CHCHD3: variants seen among roughly 807,000 people sequenced by gnomAD.
CHCHD3 encodes MICOS complex subunit MIC19.
A neutral mutation model predicts 38.2 loss-of-function variants in CHCHD3; 20 were observed. That is an observed-to-expected ratio of 0.52 (90% CI 0.37 to 0.76). The LOEUF (loss-of-function observed/expected upper bound fraction) is 0.76, where lower values mean the gene tolerates loss of function less well. Among genes scored for constraint, CHCHD3 ranks in the 30% least tolerant of loss-of-function variants. The probability of loss-of-function intolerance (pLI) is 0.00; values close to 1 mark genes in which losing one functional copy is unlikely to be tolerated. For missense variants in CHCHD3, 245 were observed against 279.2 expected (o/e 0.88, Z 0.87); for synonymous variants, 82 against 100.0 (o/e 0.82, Z 1.07).
At chr7:132,934,750 T>C (rs1244924730) in intron 4 of CHCHD3, among the ~76,000 whole-genome samples, 1 of 152,172 alleles carries the variant, frequency 6.6e-6, no homozygotes, top group Non-Finnish European at 1.5e-5. Flanking sequence ...ACACTGCTAG[T>C]TCATTCTAGG....
chr7:132,938,733 C>T (rs1397436278), intron 4 of CHCHD3, among the ~76,000 whole-genome samples: 3 of 152,102 alleles, frequency 2.0e-5, no homozygotes, highest in East Asian at 1.9e-4. Context: ...AGTGTGTCCC[C>T]GACACCGGCA....
intron 4 of CHCHD3, among the ~76,000 whole-genome samples, chr7:132,935,001 T>C (rs1810602666): frequency 1.3e-5 from 2 of 152,084 alleles, no homozygotes; most frequent in East Asian, 1.9e-4. Flanking sequence ...AAGAGCTTTA[T>C]AAAAAAAGGG....
intron 4 of CHCHD3, among the ~76,000 whole-genome samples, chr7:132,893,578 G>A (rs1036778194): frequency 8.5e-5 from 13 of 152,182 alleles, no homozygotes; most frequent in Admixed American, 8.5e-4. Flanking sequence ...GGGCCAGGGT[G>A]GAATGACATG....
At chr7:133,065,245 T>C (rs1366188375) in intron 2 of CHCHD3, among the ~76,000 whole-genome samples, 3 of 152,212 alleles carry the variant, frequency 2.0e-5, no homozygotes, top group Non-Finnish European at 4.4e-5. Context: ...TCACACAGTA[T>C]ATTATTTTGC....
chr7:132,932,123 G>C (rs555219689), intron 4 of CHCHD3, among the ~76,000 whole-genome samples: 1 of 152,030 alleles, frequency 6.6e-6, no homozygotes, highest in Non-Finnish European at 1.5e-5. Context: ...TAAACCTGTT[G>C]GTCAGATGGA....
At chr7:132,874,604 G>A (rs1808851473) in intron 5 of CHCHD3, among the ~76,000 whole-genome samples, 1 of 152,104 alleles carries the variant, frequency 6.6e-6, no homozygotes, top group Admixed American at 6.5e-5. Context: ...TTCCATTGGT[G>A]GCATGCTACT....
chr7:132,999,322 T>C (rs951325436), intron 3 of CHCHD3, among the ~76,000 whole-genome samples: 10 of 152,356 alleles, frequency 6.6e-5, no homozygotes, highest in East Asian at 1.9e-4. Flanking sequence ...TGGTTAATAG[T>C]ACACTCTATG....
At chr7:132,828,897 T>G (rs1417656337) in intron 6 of CHCHD3, among the ~76,000 whole-genome samples, 1 of 152,084 alleles carries the variant, frequency 6.6e-6, no homozygotes, top group East Asian at 1.9e-4. Context: ...TCTTTAACTG[T>G]GCTCAAGTCC....
At chr7:132,952,888 G>T (rs1811064960) in intron 4 of CHCHD3, among the ~76,000 whole-genome samples, 2 of 152,178 alleles carry the variant, frequency 1.3e-5, no homozygotes, top group African/African-American at 4.8e-5. Flanking sequence ...AAAGACCTTT[G>T]AAGTGTTCTA....
chr7:132,812,629 C>G (rs1807101364), intron 6 of CHCHD3, among the ~76,000 whole-genome samples: 1 of 151,862 alleles, frequency 6.6e-6, no homozygotes, highest in Non-Finnish European at 1.5e-5. Context: ...TGGTCTCTTA[C>G]CCTCATCTCT....
chr7:132,919,657 G>C (rs775390893), intron 4 of CHCHD3, among the ~76,000 whole-genome samples: 1 of 152,146 alleles, frequency 6.6e-6, no homozygotes, highest in Non-Finnish European at 1.5e-5. Flanking sequence ...TTAGTCACAC[G>C]CCTCTATAAA....
intron 4 of CHCHD3, among the ~76,000 whole-genome samples, chr7:132,888,706 T>C (rs1183060128): frequency 6.6e-6 from 1 of 152,012 alleles, no homozygotes; most frequent in Non-Finnish European, 1.5e-5. Context: ...ATATTGATTA[T>C]AAAGATTTTG....
chr7:132,888,286 TA>T (rs920678531), intron 4 of CHCHD3, among the ~76,000 whole-genome samples: 3 of 151,864 alleles, frequency 2.0e-5, no homozygotes, highest in Non-Finnish European at 2.9e-5. Context: ...TGTTCAGAAT[TA>T]AAAAGAAACA....
chr7:132,845,706 C>T (rs138828287), intron 5 of CHCHD3, among the ~76,000 whole-genome samples: 1 of 152,188 alleles, frequency 6.6e-6, no homozygotes, highest in South Asian at 2.1e-4. Context: ...GATTCTCAAA[C>T]TGATTTGCTC....
At chr7:132,817,814 C>T (rs1807237736) in intron 6 of CHCHD3, among the ~76,000 whole-genome samples, 1 of 151,900 alleles carries the variant, frequency 6.6e-6, no homozygotes, top group African/African-American at 2.4e-5. Flanking sequence ...GTCCACTTGA[C>T]CCAGGAGGTC....
intron 3 of CHCHD3, among the ~76,000 whole-genome samples, chr7:133,000,025 A>C (rs796756309): frequency 3.3e-5 from 5 of 152,328 alleles, no homozygotes; most frequent in African/African-American, 1.2e-4. Flanking sequence ...AAATTCACCT[A>C]TCTCACTTTT....
At chr7:132,861,438 C>T (rs1362885505) in intron 5 of CHCHD3, among the ~76,000 whole-genome samples, 6 of 152,040 alleles carry the variant, frequency 3.9e-5, no homozygotes, top group Non-Finnish European at 2.9e-5. Context: ...TATTGTATTC[C>T]ACTCGCTAGA....
At chr7:132,958,081 G>A (rs1811225796) in intron 4 of CHCHD3, among the ~76,000 whole-genome samples, 2 of 152,182 alleles carry the variant, frequency 1.3e-5, no homozygotes, top group Non-Finnish European at 1.5e-5. Flanking sequence ...TACCTGGAAA[G>A]CTAAATCATA....
At chr7:133,032,654 A>G (rs1247978099) in intron 2 of CHCHD3, among the ~76,000 whole-genome samples, 4 of 152,296 alleles carry the variant, frequency 2.6e-5, no homozygotes, top group Admixed American at 6.5e-5. Context: ...GTATAGCAAG[A>G]GATAAGCTCG....
Sources: allele counts gnomAD v4.1 joint callset (sites outside exome capture counted in the v4.1 genomes callset), GRCh38; gene constraint gnomAD v4.1.1; transcripts MANE v1.5; gene names NCBI Gene and HGNC (gene_info 2026-07-23, HGNC 2026-07-21).